The following MACF1 variants were observed in gnomAD, a reference collection of about 807,000 sequenced individuals.
The protein encoded by MACF1 is microtubule-actin cross-linking factor 1.
MACF1 carries 193 observed loss-of-function variants against 854.8 expected under a neutral mutation model. That is an observed-to-expected ratio of 0.23 (90% CI 0.20 to 0.25). The LOEUF is 0.25. Ranked by LOEUF, MACF1 falls within the 10% of genes least tolerant of loss-of-function variation. The pLI is 1.00. For missense variants in MACF1, 7,722 were observed against 8,929.1 expected, an observed-to-expected ratio of 0.86 and a Z score of 5.45; for synonymous variants, 3,185 against 3,226.7, an observed-to-expected ratio of 0.99 and a Z score of 0.44.
chr1:39,304,294 T>G (rs1571303562), intron 23 of MACF1: 2 of 623,974 alleles, frequency 3.2e-6, no homozygotes, highest in African/African-American at 3.7e-5. Context: ...GTGACTTATT[T>G]CACTCTACGT....
At chr1:39,450,223 G>C (rs1409846921) in intron 84 of MACF1, among the ~76,000 whole-genome samples, 2 of 151,926 alleles carry the variant, frequency 1.3e-5, no homozygotes, top group African/African-American at 2.4e-5. Flanking sequence ...TGTAACTCCT[G>C]ACCTCAAGTG....
chr1:39,222,315 G>A (rs1434058444), intron 1 of MACF1, among the ~76,000 whole-genome samples: 2 of 152,082 alleles, frequency 1.3e-5, no homozygotes, highest in African/African-American at 4.8e-5. Flanking sequence ...TGTAGAGACA[G>A]AGTTTTGTCA....
intron 97 of MACF1, among the ~76,000 whole-genome samples, chr1:39,479,330 A>ATG (rs1644972237): frequency 6.6e-6 from 1 of 152,154 alleles, no homozygotes. Flanking sequence ...TACTGACTGA[A>ATG]TTCAAATAGA....
rs560363439 is a variant in MACF1 at position 39,424,492 on chromosome 1, G to A, written c.16316+298G>A. ...AGACACAGACTCCTACAGTCCAGCC[G>A]AGTTATTTTCTGAGTTTTTCAAACA... is the stretch of plus-strand genomic sequence containing the variant. On this transcript the variant is annotated intron_variant, in intron 61 of 100. Coordinates refer to ENST00000564288, the MANE Select transcript of MACF1 (RefSeq NM_001394062.1). Among the ~76,000 whole-genome samples, 61 of 152,198 alleles carry A rather than the reference G, an allele frequency of 4.0e-4. 1 individual carries two copies. The South Asian group carries it at 0.012, about 31-fold the overall frequency.
chr1:39,456,987 T>C (rs1215125161), intron 89 of MACF1: 1 of 152,332 alleles, frequency 6.6e-6, no homozygotes, highest in Non-Finnish European at 1.5e-5. Context: ...CGTTCCTTTT[T>C]AGCCTTTTTA....
chr1:39,370,557 C>A (rs1162621388), intron 51 of MACF1, among the ~76,000 whole-genome samples: 1 of 152,234 alleles, frequency 6.6e-6, no homozygotes, highest in African/African-American at 2.4e-5. Context: ...AAAATCCCTT[C>A]TGTACTGTCT....
At chr1:39,303,192 C>T in intron 23 of MACF1, 114 bp downstream of exon 23, 8 of 1,202,592 alleles carry the variant, frequency 6.7e-6, no homozygotes, top group East Asian at 2.6e-5. Context: ...AAAGTTCCTC[C>T]TGGGAGAGGC....
At chr1:39,318,412 G>T (rs778695270) in intron 29 of MACF1, 41 bp from the exon 30 acceptor site, 8 of 1,576,526 alleles carry the variant, frequency 5.1e-6, no homozygotes, top group Non-Finnish European at 7.0e-6. Context: ...TATTGTATTT[G>T]TACCAAGGTA....
intron 2 of MACF1, among the ~76,000 whole-genome samples, chr1:39,087,649 G>A (rs1641706426): frequency 6.6e-6 from 1 of 152,230 alleles, no homozygotes; most frequent in African/African-American, 2.4e-5. Flanking sequence ...GGTTTACACA[G>A]AGATTTCAAA....
intron 36 of MACF1, chr1:39,328,437 T>C (rs902379791): frequency 1.3e-5 from 2 of 152,190 alleles, no homozygotes; most frequent in Non-Finnish European, 2.9e-5. Flanking sequence ...CACCACTACA[T>C]TGAGCATGAT....
intron 49 of MACF1, among the ~76,000 whole-genome samples, chr1:39,363,649 G>T (rs565472203): frequency 7.0e-6 from 1 of 142,166 alleles, no homozygotes; most frequent in African/African-American, 2.7e-5. Context: ...GCGCTCTGTT[G>T]CCCAGGCTGA....
intron 89 of MACF1, chr1:39,457,566 C>G (rs1644465954): frequency 6.6e-6 from 1 of 152,392 alleles, no homozygotes; most frequent in South Asian, 2.1e-4. Context: ...TTCAGCTGCC[C>G]CCTGTTGCTC....
At chr1:39,108,890 C>A (rs1642321765) in intron 2 of MACF1, among the ~76,000 whole-genome samples, 1 of 152,178 alleles carries the variant, frequency 6.6e-6, no homozygotes, top group African/African-American at 2.4e-5. Flanking sequence ...TTGGTAACAT[C>A]TATCTGGTAC....
rs537008089 is a variant in MACF1, at chr1:39,205,077, G to A, written c.55G>A (p.Val19Ile). The A allele has an allele frequency of 1.4e-4, 97 of 702,884 alleles. 2 individuals carry two copies. The Middle Eastern group carries it at 4.6e-3, about 33-fold the overall frequency. 43.5% of individuals were successfully genotyped at this position (702,884 alleles called of 1,614,324 possible). A position where few individuals can be genotyped will look rare whatever the true frequency, so the allele number is the denominator to read the frequency against. ...LPPTIFILTHVLGVAGVLYWK... is the reference protein window; with the variant it reads ...LPPTIFILTHILGVAGVLYWK... ...ACCAACCATCTTTATTTTGACTCACGTTCTTGGAGTTGCTGGTGTTCTATA... is the reference window on the plus strand; with the variant it reads ...ACCAACCATCTTTATTTTGACTCACATTCTTGGAGTTGCTGGTGTTCTATA... Residue 19 changes from valine to isoleucine, a missense_variant, in exon 1 of 101, where the codon GTT becomes ATT. Val to Ile is a conservative substitution (Grantham distance 29, BLOSUM62 3). Transcript: ENST00000564288.
intron 85 of MACF1, among the ~76,000 whole-genome samples, chr1:39,451,638 A>G (rs1339169626): frequency 6.6e-6 from 1 of 152,114 alleles, no homozygotes; most frequent in Non-Finnish European, 1.5e-5. Flanking sequence ...ATGTTGAATT[A>G]TGTAATATCC....
At chr1:39,218,132 G>A (rs1335342219) in intron 1 of MACF1, among the ~76,000 whole-genome samples, 4 of 128,560 alleles carry the variant, frequency 3.1e-5, no homozygotes, top group East Asian at 2.5e-4. Flanking sequence ...GCAGTGAGCC[G>A]AGATCACACC....
At chr1:39,348,253 T>A (rs1488997938) in intron 41 of MACF1, among the ~76,000 whole-genome samples, 1 of 152,194 alleles carries the variant, frequency 6.6e-6, no homozygotes, top group Non-Finnish European at 1.5e-5. Flanking sequence ...TTCAGGAGTT[T>A]ATATAGCATG....
intron 2 of MACF1, among the ~76,000 whole-genome samples, chr1:39,199,340 A>T (rs997169514): frequency 6.6e-6 from 1 of 151,378 alleles, no homozygotes; most frequent in African/African-American, 2.4e-5. Flanking sequence ...GGAATCAGGC[A>T]TAATAAAAGT....
chr1:39,273,096 G>A (rs978965759), intron 6 of MACF1, among the ~76,000 whole-genome samples: 5 of 150,280 alleles, frequency 3.3e-5, no homozygotes, highest in Admixed American at 2.0e-4. Context: ...CCTTGTTAGC[G>A]AATCCCATTT....
Sources: gnomAD v4.1 joint callset for allele counts (sites outside exome capture counted in the v4.1 genomes callset) on GRCh38, gnomAD v4.1.1 for gene constraint, MANE v1.5 for transcripts, NCBI Gene and HGNC (gene_info 2026-07-23, HGNC 2026-07-21) for gene names.